PSD3: variants seen among roughly 807,000 people sequenced by gnomAD.
PSD3 encodes the protein pleckstrin and Sec7 domain containing 3.
In PSD3, 49 loss-of-function variants were observed where a neutral mutation model predicts 105.5. The observed-to-expected ratio is 0.46, with a 90% CI of 0.37 to 0.59. The LOEUF is 0.59. Ranked by LOEUF, PSD3 falls within the 20% of genes least tolerant of loss-of-function variation. The pLI is 0.00. For missense variants in PSD3, 1,561 were observed against 1,263.8 expected (o/e 1.24, Z -3.57); for synonymous variants, 557 against 457.8 (o/e 1.22, Z -2.77).
chr8:18,550,339 A>G (rs1418773385), intron 15 of PSD3, among the ~76,000 whole-genome samples: 1 of 152,188 alleles, frequency 6.6e-6, no homozygotes, highest in African/African-American at 2.4e-5. Flanking sequence ...GTCCTCTTTC[A>G]TTATGTAATA....
intron 1 of PSD3, among the ~76,000 whole-genome samples, chr8:18,949,049 C>T (rs1586502293): frequency 6.7e-6 from 1 of 149,414 alleles, no homozygotes; most frequent in East Asian, 2.0e-4. Flanking sequence ...GGTGAAACCC[C>T]GTCTCTACTA....
chr8:18,929,519 A>G (rs1004126836), intron 2 of PSD3, among the ~76,000 whole-genome samples: 2 of 152,138 alleles, frequency 1.3e-5, no homozygotes, highest in African/African-American at 4.8e-5. Flanking sequence ...GGCAGTTAGC[A>G]TGGGTCTAAT....
chr8:18,987,900 A>G (rs1825589956), intron 1 of PSD3, among the ~76,000 whole-genome samples: 1 of 152,310 alleles, frequency 6.6e-6, no homozygotes, highest in East Asian at 1.9e-4. Flanking sequence ...TACACAAAAA[A>G]TACAAAACAA....
chr8:18,674,002 G>A (rs1309443056), intron 9 of PSD3, among the ~76,000 whole-genome samples: 4 of 152,084 alleles, frequency 2.6e-5, no homozygotes, highest in South Asian at 4.1e-4. Context: ...AATGAGCTGC[G>A]CATGGTGGTG....
intron 4 of PSD3, among the ~76,000 whole-genome samples, chr8:18,814,766 G>T (rs1486840357): frequency 6.6e-6 from 1 of 152,150 alleles, no homozygotes; most frequent in African/African-American, 2.4e-5. Context: ...CAGGAAGAGT[G>T]ACTCACTTAC....
intron 1 of PSD3, among the ~76,000 whole-genome samples, chr8:18,988,982 A>T (rs1230189857): frequency 6.6e-6 from 1 of 152,212 alleles, no homozygotes; most frequent in Non-Finnish European, 1.5e-5. Flanking sequence ...CTGTGTTCTA[A>T]TAAACAGCAG....
At chr8:18,652,625 G>A (rs1240130428) in intron 10 of PSD3, among the ~76,000 whole-genome samples, 11 of 150,512 alleles carry the variant, frequency 7.3e-5, no homozygotes, top group Non-Finnish European at 1.6e-4. Flanking sequence ...AGCCTCCTGA[G>A]TAGCTGGGAT....
intron 3 of PSD3, among the ~76,000 whole-genome samples, chr8:18,869,343 C>T (rs565397640): frequency 3.9e-5 from 6 of 152,220 alleles, no homozygotes; most frequent in African/African-American, 1.4e-4. Context: ...GCATGTAACA[C>T]AACGCCTGGC....
chr8:18,709,899 A>C (rs1198124853), intron 9 of PSD3, among the ~76,000 whole-genome samples: 2 of 152,238 alleles, frequency 1.3e-5, no homozygotes, highest in Non-Finnish European at 2.9e-5. Context: ...ATCAAAGAAA[A>C]AACACTGAAA....
At chr8:18,783,616 A>C (rs952473865) in intron 8 of PSD3, among the ~76,000 whole-genome samples, 1 of 152,048 alleles carries the variant, frequency 6.6e-6, no homozygotes, top group African/African-American at 2.4e-5. Context: ...TAAGTTTTTT[A>C]TGTTGTATTT....
intron 12 of PSD3, among the ~76,000 whole-genome samples, chr8:18,580,739 A>C (rs1229505826): frequency 1.3e-5 from 2 of 152,198 alleles, no homozygotes; most frequent in Non-Finnish European, 2.9e-5. Context: ...TCACTTCTAA[A>C]GACAGGGTAA....
intron 9 of PSD3, among the ~76,000 whole-genome samples, chr8:18,757,181 G>A (rs1481626880): frequency 7.3e-5 from 11 of 150,374 alleles, no homozygotes; most frequent in African/African-American, 2.4e-4. Context: ...ATCTGGACGC[G>A]GTGGCTCACG....
intron 1 of PSD3, among the ~76,000 whole-genome samples, chr8:18,997,910 C>T (rs1826165010): frequency 6.6e-6 from 1 of 152,052 alleles, no homozygotes; most frequent in African/African-American, 2.4e-5. Context: ...TTCACACTGT[C>T]AACATACTAC....
chr8:18,714,649 T>C (rs1207757217), intron 9 of PSD3, among the ~76,000 whole-genome samples: 2 of 152,172 alleles, frequency 1.3e-5, no homozygotes, highest in African/African-American at 4.8e-5. Context: ...GGTGAGGCTT[T>C]GGAAAAACAG....
At chr8:18,776,342 T>C (rs1007265907) in intron 8 of PSD3, among the ~76,000 whole-genome samples, 2 of 147,064 alleles carry the variant, frequency 1.4e-5, no homozygotes, top group African/African-American at 2.5e-5. Flanking sequence ...TAAATATATA[T>C]AGTATAAAAA....
chr8:18,552,772 TTTTAGAAGTAAGATTAGATTCC>T (rs1292377916), intron 15 of PSD3, among the ~76,000 whole-genome samples: 2 of 152,244 alleles, frequency 1.3e-5, no homozygotes, highest in African/African-American at 4.8e-5. Context: ...TTAAAGCCTC[TTTTAGAAGTAAGATTAGATTCC>T]AAACCACAGC....
In PSD3 at chr8:18,538,524, G is replaced by A. The variant is rs188179561; in HGVS notation, c.2929-2566C>T. On this transcript the variant is annotated intron_variant, in intron 15 of 15. Transcript: ENST00000327040. ...AAACAGAAAAGAACTACCCCCAACA[G>A]AAACAAAGTTTGGTAAAATAGTCTA... is the stretch of plus-strand genomic sequence containing the variant. Among the ~76,000 whole-genome samples, 49 of 152,236 alleles carry A rather than the reference G, an allele frequency of 3.2e-4. 1 individual carries two copies. The highest frequency in any genetic ancestry group is 6.2e-4 in the South Asian group (3 of 4,834).
intron 9 of PSD3, among the ~76,000 whole-genome samples, chr8:18,748,695 G>C (rs1053929114): frequency 6.7e-6 from 1 of 149,818 alleles, no homozygotes; most frequent in Non-Finnish European, 1.5e-5. Flanking sequence ...TTTCCTTTAT[G>C]TGGAATTGTT....
intron 1 of PSD3, among the ~76,000 whole-genome samples, chr8:19,082,983 G>T (rs1829690768): frequency 6.6e-6 from 1 of 152,190 alleles, no homozygotes; most frequent in African/African-American, 2.4e-5. Context: ...AGGGAAGGAA[G>T]GGTGCTGTGA....
Sources: gnomAD v4.1 joint callset for allele counts (sites outside exome capture counted in the v4.1 genomes callset) on GRCh38, gnomAD v4.1.1 for gene constraint, MANE v1.5 for transcripts, NCBI Gene and HGNC (gene_info 2026-07-23, HGNC 2026-07-21) for gene names.